TSPAN12: variants seen among roughly 807,000 people sequenced by gnomAD.
TSPAN12 encodes the protein tetraspanin-12.
Under a neutral mutation model 39.2 loss-of-function variants are expected in TSPAN12, and 19 were observed. That is an observed-to-expected ratio of 0.49 (90% CI 0.34 to 0.71). TSPAN12 has a LOEUF of 0.71. Among genes scored for constraint, TSPAN12 ranks in the 30% least tolerant of loss-of-function variants. The pLI, the probability that TSPAN12 is intolerant of heterozygous loss-of-function variation, is 0.01. For missense variants in TSPAN12, 314 were observed against 359.9 expected, an observed-to-expected ratio of 0.87 and a Z score of 1.03; for synonymous variants, 119 against 124.8, an observed-to-expected ratio of 0.95 and a Z score of 0.31.
intron 7 of TSPAN12, among the ~76,000 whole-genome samples, chr7:120,795,246 T>C (rs551895627): frequency 6.6e-6 from 1 of 152,348 alleles, no homozygotes; most frequent in Admixed American, 6.5e-5. Flanking sequence ...AAAGCTAGGT[T>C]AGCCCCATGT....
chr7:120,805,463 C>T (rs1793853269), intron 7 of TSPAN12, among the ~76,000 whole-genome samples: 2 of 151,902 alleles, frequency 1.3e-5, no homozygotes, highest in South Asian at 4.1e-4. Context: ...GTTATAAATC[C>T]TGTTGCTTTG....
intron 4 of TSPAN12, among the ~76,000 whole-genome samples, chr7:120,828,228 T>C (rs973580525): frequency 6.6e-6 from 1 of 152,164 alleles, no homozygotes; most frequent in African/African-American, 2.4e-5. Context: ...AGGTATCCAT[T>C]TCTCCCAGGT....
intron 4 of TSPAN12, among the ~76,000 whole-genome samples, chr7:120,825,700 G>C (rs1389117378): frequency 1.3e-5 from 2 of 152,086 alleles, no homozygotes; most frequent in African/African-American, 4.8e-5. Context: ...TAGTAAATAA[G>C]GGAATTCCAT....
At chr7:120,814,925 C>G (rs975026017) in intron 5 of TSPAN12, among the ~76,000 whole-genome samples, 1 of 152,202 alleles carries the variant, frequency 6.6e-6, no homozygotes, top group African/African-American at 2.4e-5. Flanking sequence ...CTGCCTGTCG[C>G]AAACAGGAGA....
At chr7:120,825,446 A>T (rs143847609) in intron 4 of TSPAN12, among the ~76,000 whole-genome samples, 2 of 152,302 alleles carry the variant, frequency 1.3e-5, no homozygotes, top group Admixed American at 6.5e-5. Context: ...TTTACTGGAC[A>T]TTTTAATATT....
chr7:120,837,326 T>G (rs1794497077), intron 4 of TSPAN12, among the ~76,000 whole-genome samples: 1 of 151,452 alleles, frequency 6.6e-6, no homozygotes, highest in Admixed American at 6.6e-5. Context: ...TTTTTTTTTT[T>G]TTTGAGATGG....
At chr7:120,832,494 C>T (rs763226700) in intron 4 of TSPAN12, among the ~76,000 whole-genome samples, 1 of 152,062 alleles carries the variant, frequency 6.6e-6, no homozygotes, top group African/African-American at 2.4e-5. Flanking sequence ...TGTAAATCTT[C>T]TTCCTTCCTC....
intron 4 of TSPAN12, among the ~76,000 whole-genome samples, chr7:120,826,731 A>G (rs547328859): frequency 6.6e-6 from 1 of 151,802 alleles, no homozygotes; most frequent in African/African-American, 2.4e-5. Flanking sequence ...TTTTTATTAA[A>G]TTTTTTTTGG....
At chr7:120,831,938 T>C (rs1271714575) in intron 4 of TSPAN12, among the ~76,000 whole-genome samples, 2 of 152,022 alleles carry the variant, frequency 1.3e-5, no homozygotes, top group Admixed American at 1.3e-4. Flanking sequence ...ATATATACAA[T>C]TATTATTGAT....
At chr7:120,813,103 GT>G (rs1354387215) in intron 5 of TSPAN12, among the ~76,000 whole-genome samples, 1 of 152,188 alleles carries the variant, frequency 6.6e-6, no homozygotes, top group African/African-American at 2.4e-5. Flanking sequence ...TAACACACAG[GT>G]TGATTGGTTC....
At chr7:120,847,233 C>CAA (rs76785160) in intron 2 of TSPAN12, among the ~76,000 whole-genome samples, 1,900 of 107,340 alleles carry the variant, frequency 0.018, 49 homozygotes, top group African/African-American at 0.064. Context: ...AGCTATATGA[C>CAA]AAAAAAAAAA....
At chr7:120,798,973 T>C (rs2116317251) in intron 7 of TSPAN12, among the ~76,000 whole-genome samples, 1 of 152,312 alleles carries the variant, frequency 6.6e-6, no homozygotes. Context: ...GCCTGCTCTG[T>C]ATCAACCTCC....
At chr7:120,849,697 C>T (rs1299903877) in intron 2 of TSPAN12, among the ~76,000 whole-genome samples, 1 of 152,176 alleles carries the variant, frequency 6.6e-6, no homozygotes, top group East Asian at 1.9e-4. Context: ...ATTGGCTAAT[C>T]TTGAAAATGG....
At chr7:120,789,711 C>CTT (rs982194784) in intron 7 of TSPAN12, among the ~76,000 whole-genome samples, 4 of 152,092 alleles carry the variant, frequency 2.6e-5, no homozygotes, top group African/African-American at 7.2e-5. Context: ...TGGAATTTCC[C>CTT]TTTTAACAAA....
intron 5 of TSPAN12, among the ~76,000 whole-genome samples, chr7:120,812,096 G>A (rs1472385327): frequency 6.6e-6 from 1 of 152,168 alleles, no homozygotes. Flanking sequence ...AGTTTTTAAA[G>A]TAAAGCATTT....
chr7:120,805,516 G>A lies in TSPAN12; in HGVS notation c.612+1033C>T, dbSNP rs994349774. ...TTATAGCCCTACTATATATACATGA[G>A]TTATATTATGAATAGTGTGAGCAGT... On this transcript the variant is annotated intron_variant, in intron 7 of 7. Transcript: ENST00000222747. Among the ~76,000 whole-genome samples the A allele has an allele frequency of 3.9e-5, 6 of 152,166 alleles. No homozygotes were observed. In the South Asian group the frequency reaches 1.2e-3, roughly 32 times the overall value.
At chr7:120,853,868 G>A (rs1410695805) in intron 2 of TSPAN12, among the ~76,000 whole-genome samples, 2 of 134,254 alleles carry the variant, frequency 1.5e-5, no homozygotes, top group Non-Finnish European at 3.1e-5. Flanking sequence ...GTGAGACTCC[G>A]TCCCAAAAAA....
intron 2 of TSPAN12, among the ~76,000 whole-genome samples, chr7:120,846,048 T>G (rs1794662698): frequency 6.6e-6 from 1 of 152,184 alleles, no homozygotes; most frequent in South Asian, 2.1e-4. Flanking sequence ...CAGGAAACTT[T>G]CAAACATGGT....
Position 120,788,427 on chromosome 7 carries a change from A to G in TSPAN12, c.*165T>C, listed in dbSNP as rs1207429594. On this transcript the variant is annotated 3_prime_UTR_variant, in exon 8 of 8. Coordinates refer to ENST00000222747, the MANE Select transcript of TSPAN12 (RefSeq NM_012338.4). ...TATTGTCCAGGTGGTGACTTATGACATGAAACTTTTCCATCCTCATTTTAA... is the reference window on the plus strand; with the variant it reads ...TATTGTCCAGGTGGTGACTTATGACGTGAAACTTTTCCATCCTCATTTTAA... 1 of 824,772 alleles carries G rather than the reference A, an allele frequency of 1.2e-6. No homozygotes were observed. Among genetic ancestry groups the G allele is most frequent in the Non-Finnish European group, 1.9e-6 (1 of 529,298 alleles). 51.1% of individuals were successfully genotyped at this position (824,772 alleles called of 1,614,324 possible).
Sources: allele counts gnomAD v4.1 joint callset (sites outside exome capture counted in the v4.1 genomes callset), GRCh38; gene constraint gnomAD v4.1.1; transcripts MANE v1.5; gene names NCBI Gene and HGNC (gene_info 2026-07-23, HGNC 2026-07-21).